The following DKK3 variants were observed in gnomAD, a reference collection of about 807,000 sequenced individuals.
DKK3 encodes the protein dickkopf-related protein 3.
Under a neutral mutation model 33.2 loss-of-function variants are expected in DKK3, and 22 were observed. The observed-to-expected ratio is 0.66, with a 90% confidence interval of 0.47 to 0.95. DKK3 has a LOEUF of 0.95. Among genes scored for constraint, DKK3 ranks in the 40% least tolerant of loss-of-function variants. The pLI is 0.00. For synonymous variants in DKK3, 194 were observed against 188.8 expected, an observed-to-expected ratio of 1.03 and a Z score of -0.23; for missense variants, 398 against 458.4, an observed-to-expected ratio of 0.87 and a Z score of 1.20.
At chr11:11,972,394 G>T (rs757147235) in intron 3 of DKK3, among the ~76,000 whole-genome samples, 2 of 152,236 alleles carry the variant, frequency 1.3e-5, no homozygotes, top group Non-Finnish European at 2.9e-5. Flanking sequence ...AGCACTCGGG[G>T]ATCAAACATC....
At chr11:11,991,242 C>A (rs1299385619) in intron 3 of DKK3, among the ~76,000 whole-genome samples, 1 of 152,192 alleles carries the variant, frequency 6.6e-6, no homozygotes, top group Non-Finnish European at 1.5e-5. Context: ...GAAAAGATGG[C>A]CTGGAACAAG....
chr11:11,976,066 G>A (rs1454844867), intron 3 of DKK3, among the ~76,000 whole-genome samples: 1 of 152,204 alleles, frequency 6.6e-6, no homozygotes, highest in Non-Finnish European at 1.5e-5. Context: ...TCTATTTGCA[G>A]TGCTTAACTC....
intron 3 of DKK3, among the ~76,000 whole-genome samples, chr11:11,981,575 T>C (rs1363882906): frequency 2.0e-5 from 3 of 152,108 alleles, no homozygotes; most frequent in Non-Finnish European, 4.4e-5. Context: ...AAGGTGATGA[T>C]CTCAGAGCTT....
Position 11,998,758 on chromosome 11 carries a change from G to A in DKK3, c.373C>T (p.Gln125Ter), listed in dbSNP as rs1481903011. The A allele has an allele frequency of 6.2e-7, 1 of 1,614,036 alleles. No individual in the cohort carries two copies. Among genetic ancestry groups the A allele is most frequent in the African/African-American group, 1.3e-5 (1 of 74,906 alleles). The change falls in exon 3 of 7, where the codon CAA becomes TAA. Residue 125 changes from glutamine to a stop codon, truncating the protein, a stop_gained. Coordinates refer to ENST00000683431, the MANE Select transcript of DKK3 (RefSeq NM_001018057.2). LOFTEE classifies it high-confidence loss of function. ...ATAACTGTCTCTGAAAAGACCATTT[G>A]TCCAGTCTGGTTGTTGGTTATCTAC... ...IHKITNNQTG[Q>*]MVFSETVITS...
chr11:11,987,948 A>G (rs960462146), intron 3 of DKK3, among the ~76,000 whole-genome samples: 3 of 152,222 alleles, frequency 2.0e-5, no homozygotes, highest in Non-Finnish European at 2.9e-5. Context: ...GTCAGAAAGG[A>G]GAATTTACAC....
chr11:12,009,622 T>C (rs150468938), upstream of DKK3: 917 of 985,784 alleles, frequency 9.3e-4, 8 homozygotes, highest in African/African-American at 0.015. Context: ...GTAGGGGGAA[T>C]GTTCCTCAGT....
chr11:11,979,533 C>T (rs1397302989), intron 3 of DKK3, among the ~76,000 whole-genome samples: 1 of 152,232 alleles, frequency 6.6e-6, no homozygotes, highest in Non-Finnish European at 1.5e-5. Flanking sequence ...TAACTCTACC[C>T]TCCTGAGAAG....
rs571930091 is a variant in DKK3, at chr11:11,967,275, A to C, written c.529-177T>G. 6.6e-4 allele frequency among the ~76,000 whole-genome samples: 101 copies of C among 152,304 alleles called. No homozygotes were observed. In the Middle Eastern group the frequency reaches 0.01, roughly 15 times the overall value. ...GACAGAGGTGGGAGCTTGGCTGGCG[A>C]GACATGGGGGTCAGAACGCTGGAAA... On this transcript the variant is annotated intron_variant, in intron 4 of 6. Coordinates refer to ENST00000683431, the MANE Select transcript of DKK3 (RefSeq NM_001018057.2).
intron 6 of DKK3, among the ~76,000 whole-genome samples, chr11:11,965,428 C>T (rs1373352695): frequency 1.3e-5 from 2 of 152,236 alleles, no homozygotes; most frequent in Non-Finnish European, 2.9e-5. Flanking sequence ...CTGCACCCTC[C>T]ACCTTGGTGG....
At chr11:11,983,607 C>T (rs1055878693) in intron 3 of DKK3, among the ~76,000 whole-genome samples, 1 of 152,224 alleles carries the variant, frequency 6.6e-6, no homozygotes, top group African/African-American at 2.4e-5. Context: ...GGATGCTTCA[C>T]GCAGCAGTTC....
chr11:11,997,927 CA>C (rs1198238520), intron 3 of DKK3, among the ~76,000 whole-genome samples: 1 of 152,126 alleles, frequency 6.6e-6, no homozygotes, highest in Non-Finnish European at 1.5e-5. Flanking sequence ...CATCTGGATA[CA>C]GGGGGGCTGG....
chr11:12,009,533 C>T (rs1227822663), upstream of DKK3: 7 of 959,214 alleles, frequency 7.3e-6, no homozygotes, highest in Non-Finnish European at 8.7e-6. Flanking sequence ...ATCTCCTTCA[C>T]TGCCTGCCCC....
chr11:11,966,842 T>C (rs1847608246), intron 5 of DKK3, 112 bp downstream of exon 5: 2 of 1,466,704 alleles, frequency 1.4e-6, no homozygotes, highest in Non-Finnish European at 1.9e-6. Flanking sequence ...TGGGAGCCTA[T>C]CCAAGAGGTG....
intron 5 of DKK3, among the ~76,000 whole-genome samples, chr11:11,966,539 C>T (rs988250715): frequency 1.1e-4 from 17 of 151,994 alleles, no homozygotes; most frequent in South Asian, 4.2e-4. Context: ...GCTGGGGAGG[C>T]GGCAAATGAG....
chr11:12,008,713 C>T (rs977955426), upstream of DKK3: 1 of 1,160,616 alleles, frequency 8.6e-7, no homozygotes, highest in Admixed American at 5.9e-5. This position sits in a 1 kb window ranked among gnomAD's most constrained non-coding sequence, Gnocchi z 4.6. Context: ...GCCCCTCTTT[C>T]CCGCACCCGC....
intron 3 of DKK3, among the ~76,000 whole-genome samples, chr11:11,987,147 A>C (rs1208194247): frequency 6.6e-6 from 1 of 152,226 alleles, no homozygotes; most frequent in Non-Finnish European, 1.5e-5. Context: ...CTGCCTCCCC[A>C]GAGTTCAGTC....
At chr11:11,994,560 A>G (rs934690647) in intron 3 of DKK3, 3 of 151,768 alleles carry the variant, frequency 2.0e-5, no homozygotes, top group African/African-American at 7.3e-5. Context: ...GAGGTGCCGC[A>G]CCCTCCCCTG....
At chr11:11,997,429 G>A (rs983609684) in intron 3 of DKK3, among the ~76,000 whole-genome samples, 3 of 152,030 alleles carry the variant, frequency 2.0e-5, no homozygotes, top group African/African-American at 4.8e-5. Flanking sequence ...TTTTTGTTTC[G>A]CTTTCTTCTG....
intron 3 of DKK3, among the ~76,000 whole-genome samples, chr11:11,982,266 T>C (rs1847970723): frequency 6.8e-6 from 1 of 146,318 alleles, no homozygotes; most frequent in South Asian, 2.3e-4. Flanking sequence ...TGGGGAATCA[T>C]AACAAGCCCT....
Sources: allele counts gnomAD v4.1 joint callset (sites outside exome capture counted in the v4.1 genomes callset), GRCh38; gene constraint gnomAD v4.1.1; non-coding constraint Gnocchi (gnomAD v3.1); transcripts MANE v1.5; gene names NCBI Gene and HGNC (gene_info 2026-07-23, HGNC 2026-07-21).